TENM2: variants seen among roughly 807,000 people sequenced by gnomAD.
TENM2 encodes teneurin transmembrane protein 2, also known as teneurin-2.
A neutral mutation model predicts 245.2 loss-of-function variants in TENM2; 52 were observed. The observed-to-expected ratio is 0.21, with a 90% CI of 0.17 to 0.27. The LOEUF (loss-of-function observed/expected upper bound fraction) is 0.27. Among genes scored for constraint, TENM2 ranks in the 10% least tolerant of loss-of-function variants. The probability of loss-of-function intolerance (pLI) is 1.00; values close to 1 mark genes in which losing one functional copy is unlikely to be tolerated. For missense variants in TENM2, 3,046 were observed against 3,666.8 expected (o/e 0.83, Z 4.37); for synonymous variants, 1,363 against 1,438.9 (o/e 0.95, Z 1.19).
intron 2 of TENM2, among the ~76,000 whole-genome samples, chr5:167,454,659 C>T (rs952026556): frequency 2.6e-5 from 4 of 152,138 alleles, no homozygotes; most frequent in African/African-American, 9.7e-5. Flanking sequence ...CTTTCCCATC[C>T]ACTCAACCGT....
chr5:167,075,803 A>G, the TENM2 span, among the ~76,000 whole-genome samples: 1 of 152,182 alleles, frequency 6.6e-6, no homozygotes, highest in African/African-American at 2.4e-5. Flanking sequence ...ACTGCCTGGC[A>G]TTACATTTCA....
chr5:167,613,401 A>G (rs1233683229), intron 2 of TENM2, among the ~76,000 whole-genome samples: 1 of 152,170 alleles, frequency 6.6e-6, no homozygotes, highest in Non-Finnish European at 1.5e-5. Flanking sequence ...TATTACCAGT[A>G]TCTTGCTCGT....
chr5:167,738,272 G>T (rs540776868), intron 2 of TENM2, among the ~76,000 whole-genome samples: 34 of 152,268 alleles, frequency 2.2e-4, no homozygotes, highest in Non-Finnish European at 4.3e-4. Flanking sequence ...GTAGCATTGG[G>T]GGGCTGTTAT....
intron 4 of TENM2, among the ~76,000 whole-genome samples, chr5:167,984,934 T>G (rs1783126300): frequency 6.6e-6 from 1 of 152,176 alleles, no homozygotes; most frequent in Non-Finnish European, 1.5e-5. Flanking sequence ...GCACCATTCC[T>G]TTTCATATCG....
At chr5:167,868,044 T>G (rs1772478532) in intron 2 of TENM2, among the ~76,000 whole-genome samples, 1 of 152,226 alleles carries the variant, frequency 6.6e-6, no homozygotes. Flanking sequence ...AACTTAAAAA[T>G]TGATCACGTA....
the TENM2 span, among the ~76,000 whole-genome samples, chr5:167,198,708 G>A: frequency 2.0e-5 from 3 of 151,948 alleles, no homozygotes; most frequent in Admixed American, 6.6e-5. Flanking sequence ...CTCCCTGTCC[G>A]GTCCCAGCTG....
At chr5:168,116,942 G>A (rs534983993) in intron 9 of TENM2, among the ~76,000 whole-genome samples, 26 of 152,186 alleles carry the variant, frequency 1.7e-4, no homozygotes, top group South Asian at 4.1e-4. Context: ...ACCTGCATCC[G>A]TCATTTCTGA....
intron 2 of TENM2, among the ~76,000 whole-genome samples, chr5:167,713,762 C>T (rs149556411): frequency 7.9e-5 from 12 of 152,344 alleles, no homozygotes; most frequent in Non-Finnish European, 1.6e-4. Flanking sequence ...CTCGTGCGTA[C>T]GTGCACACAC....
At chr5:167,301,266 G>A (rs989998237) in intron 1 of TENM2, among the ~76,000 whole-genome samples, 1 of 152,212 alleles carries the variant, frequency 6.6e-6, no homozygotes, top group African/African-American at 2.4e-5. Context: ...TTTCAGTGGG[G>A]TCCCACACAG....
At chr5:167,224,885 G>A in the TENM2 span, among the ~76,000 whole-genome samples, 1 of 151,916 alleles carries the variant, frequency 6.6e-6, no homozygotes, top group Non-Finnish European at 1.5e-5. Flanking sequence ...TTTCATCAGT[G>A]CCTTATAGTT....
chr5:167,750,067 C>T (rs1761857691), intron 2 of TENM2, among the ~76,000 whole-genome samples: 1 of 152,058 alleles, frequency 6.6e-6, no homozygotes, highest in African/African-American at 2.4e-5. Flanking sequence ...CCGGGGTGAA[C>T]TGCAGGAATG....
chr5:167,228,988 C>T, the TENM2 span, among the ~76,000 whole-genome samples: 1 of 152,214 alleles, frequency 6.6e-6, no homozygotes, highest in Non-Finnish European at 1.5e-5. Context: ...GCGTGAGCCA[C>T]CGCGTCCGGC....
rs1240366011 is a variant in TENM2, at chr5:167,776,653, A to C, written c.503-99333A>C. On this transcript the variant is annotated intron_variant, in intron 2 of 28. Transcript: ENST00000518659. ...CATATATATGTATCTATATATATAT[A>C]TATATATATATTTTTCATTAACCTT... 4.3e-5 allele frequency among the ~76,000 whole-genome samples: 6 copies of C among 140,842 alleles called. No homozygotes were observed. In the East Asian group the frequency reaches 6.3e-4, roughly 15 times the overall value. The allele number at this position is 140,842 out of a possible 152,430, so 92.4% of individuals were successfully genotyped here.
At chr5:167,727,497 AC>A (rs1760110275) in intron 2 of TENM2, among the ~76,000 whole-genome samples, 1 of 152,154 alleles carries the variant, frequency 6.6e-6, no homozygotes, top group Non-Finnish European at 1.5e-5. Flanking sequence ...AACAAAGACT[AC>A]TCCATACATC....
At chr5:168,059,908 T>C in intron 6 of TENM2, among the ~76,000 whole-genome samples, 1 of 152,082 alleles carries the variant, frequency 6.6e-6, no homozygotes, top group South Asian at 2.1e-4. Flanking sequence ...AACAATCCTG[T>C]GAAATAAATA....
At chr5:167,215,175 T>C in the TENM2 span, among the ~76,000 whole-genome samples, 1 of 152,188 alleles carries the variant, frequency 6.6e-6, no homozygotes, top group Non-Finnish European at 1.5e-5. Flanking sequence ...GCGAGCTTGC[T>C]CCCTCTGAAC....
At chr5:167,404,193 T>A (rs1762509518) in intron 2 of TENM2, among the ~76,000 whole-genome samples, 1 of 151,432 alleles carries the variant, frequency 6.6e-6, no homozygotes, top group Non-Finnish European at 1.5e-5. Flanking sequence ...AGCTTGAGGA[T>A]GGGTAGAAGA....
chr5:167,779,891 A>G (rs1040750256), intron 2 of TENM2, among the ~76,000 whole-genome samples: 2 of 152,190 alleles, frequency 1.3e-5, no homozygotes, highest in African/African-American at 4.8e-5. Context: ...GAGGAAGGAA[A>G]CACAGCCACT....
intron 2 of TENM2, among the ~76,000 whole-genome samples, chr5:167,665,823 C>T (rs1016278090): frequency 6.6e-6 from 1 of 152,130 alleles, no homozygotes; most frequent in Admixed American, 6.6e-5. Flanking sequence ...CATTCTGCCT[C>T]GACATTTACT....
Sources: allele counts gnomAD v4.1 joint callset (sites outside exome capture counted in the v4.1 genomes callset), GRCh38; gene constraint gnomAD v4.1.1; transcripts MANE v1.5; gene names NCBI Gene and HGNC (gene_info 2026-07-23, HGNC 2026-07-21).